The following PRUNE2 variants were observed in gnomAD, a reference collection of about 807,000 sequenced individuals.
The protein encoded by PRUNE2 is protein prune homolog 2.
Under a neutral mutation model 252.0 loss-of-function variants are expected in PRUNE2, and 164 were observed. The ratio of observed to expected loss-of-function variants is 0.65; its 90% CI spans 0.57 to 0.74. The LOEUF (loss-of-function observed/expected upper bound fraction) is 0.74. Ranked by LOEUF, PRUNE2 falls within the 30% of genes least tolerant of loss-of-function variation. The pLI is 0.00. For synonymous variants in PRUNE2, 1,292 were observed against 1,350.2 expected (o/e 0.96, Z 0.94); for missense variants, 3,495 against 3,711.0 (o/e 0.94, Z 1.51).
intron 6 of PRUNE2, among the ~76,000 whole-genome samples, chr9:76,805,782 T>C (rs1452208913): frequency 6.6e-6 from 1 of 152,190 alleles, no homozygotes; most frequent in African/African-American, 2.4e-5. Flanking sequence ...TAATTGATTC[T>C]TCTGTGACCT....
intron 6 of PRUNE2, among the ~76,000 whole-genome samples, chr9:76,722,217 C>A (rs1253044219): frequency 1.4e-5 from 2 of 147,764 alleles, no homozygotes; most frequent in African/African-American, 5.2e-5. Context: ...TGCCACCACA[C>A]CCTGCTATTT....
intron 9 of PRUNE2, among the ~76,000 whole-genome samples, chr9:76,664,412 T>C (rs1441864151): frequency 6.6e-6 from 1 of 152,258 alleles, no homozygotes; most frequent in Non-Finnish European, 1.5e-5. Context: ...CTTAACAAGA[T>C]ACCTTAAGCC....
At chr9:76,874,021 C>G (rs1338693843) in intron 1 of PRUNE2, among the ~76,000 whole-genome samples, 1 of 152,200 alleles carries the variant, frequency 6.6e-6, no homozygotes, top group Non-Finnish European at 1.5e-5. Context: ...CACTGCAGTG[C>G]TTGCTCAGTA....
chr9:76,826,606 A>G lies in PRUNE2; in HGVS notation c.635T>C (p.Leu212Pro). Residue 212 changes from leucine (L) to proline (P), a missense_variant, in exon 5 of 19, where the codon CTA (leucine) becomes CCA (proline). Physicochemically the swap from Leu to Pro is moderately conservative, Grantham distance 98. Transcript: ENST00000376718. Reference sequence around the variant, plus strand: ...CTGAGCACTGAACTGGGTCTCCTGTAGGACGTTGATGATGTCCTCTCTTGG... The same window carrying G: ...CTGAGCACTGAACTGGGTCTCCTGTGGGACGTTGATGATGTCCTCTCTTGG... The part of the protein sequence containing the change: ...LPPREDIINV[L>P]QETQFSAQGL... 1 of 1,609,958 alleles carries G rather than the reference A, an allele frequency of 6.2e-7. No homozygotes were observed. The highest frequency in any genetic ancestry group is 8.5e-7 in the Non-Finnish European group (1 of 1,177,660).
chr9:76,756,674 A>G (rs2051182799), intron 6 of PRUNE2, among the ~76,000 whole-genome samples: 1 of 152,214 alleles, frequency 6.6e-6, no homozygotes, highest in African/African-American at 2.4e-5. Flanking sequence ...AGGTACTAGG[A>G]TGAGGAAAAG....
intron 1 of PRUNE2, among the ~76,000 whole-genome samples, chr9:76,893,321 T>C (rs1311073664): frequency 1.3e-5 from 2 of 152,212 alleles, no homozygotes; most frequent in African/African-American, 4.8e-5. Context: ...TCTGTGATTC[T>C]ATAATTGTTA....
chr9:76,630,243 GTTTAT>G (rs1564374816), intron 15 of PRUNE2, among the ~76,000 whole-genome samples: 1 of 142,236 alleles, frequency 7.0e-6, no homozygotes. Flanking sequence ...TTTTTTTTTA[GTTTAT>G]TTTAAAAATT....
chr9:76,759,646 T>A (rs981655852), intron 6 of PRUNE2: 9 of 152,286 alleles, frequency 5.9e-5, no homozygotes, highest in African/African-American at 1.9e-4. Flanking sequence ...CTGAAAGCCA[T>A]CTTCGTCTGG....
chr9:76,811,846 A>C (rs1443052663), intron 6 of PRUNE2, among the ~76,000 whole-genome samples: 1 of 152,204 alleles, frequency 6.6e-6, no homozygotes, highest in Non-Finnish European at 1.5e-5. Flanking sequence ...ATATGGAAAG[A>C]CTTTTTCATA....
intron 1 of PRUNE2, among the ~76,000 whole-genome samples, chr9:76,887,083 T>C (rs1271556586): frequency 6.6e-6 from 1 of 152,196 alleles, no homozygotes; most frequent in African/African-American, 2.4e-5. Context: ...ATTTCTTATA[T>C]TGGGAAGAAA....
At chr9:76,664,027 T>C (rs1183216228) in intron 9 of PRUNE2, among the ~76,000 whole-genome samples, 1 of 152,246 alleles carries the variant, frequency 6.6e-6, no homozygotes, top group African/African-American at 2.4e-5. Context: ...CTACCTTCTC[T>C]GTGACGACTT....
In PRUNE2 at chr9:76,711,337, ACT is replaced by A; in HGVS notation, c.935_936del (p.Glu312ValfsTer12). 6.2e-7 allele frequency: 1 copy of A among 1,611,952 alleles called. No individual in the cohort carries two copies. The highest frequency in any genetic ancestry group is 8.5e-7 in the Non-Finnish European group (1 of 1,179,174). ...TCCAGTTCTAGGCAAGGGTTCTGAC[ACT>A]CTTCCAGCTCACAGCAAATCTGTCG... ...LCSQICCELEECQNPCLELEP... is the reference protein window; with the variant it reads ...LCSQICCELEXCQNPCLELEP... On this transcript the variant is annotated frameshift_variant, in exon 8 of 19. Transcript: ENST00000376718. LOFTEE classifies it high-confidence loss of function.
At chr9:76,682,034 GA>G (rs980062215) in intron 9 of PRUNE2, among the ~76,000 whole-genome samples, 11 of 152,106 alleles carry the variant, frequency 7.2e-5, no homozygotes, top group Non-Finnish European at 1.0e-4. Flanking sequence ...GGCAAAGGCA[GA>G]GGAGGTGACA....
chr9:76,850,348 G>T (rs1258036557), intron 3 of PRUNE2, 115 bp downstream of exon 3: 3 of 798,482 alleles, frequency 3.8e-6, no homozygotes, highest in Middle Eastern at 5.9e-4. Flanking sequence ...TGACCAGCAT[G>T]TCCTCTGCTT....
In PRUNE2 at chr9:76,713,543, G is replaced by T; in HGVS notation, c.915+20C>A. 1.3e-6 allele frequency: 2 copies of T among 1,595,728 alleles called. No homozygotes were observed. The highest frequency in any genetic ancestry group is 1.7e-6 in the Non-Finnish European group (2 of 1,170,350). On this transcript the variant is annotated intron_variant, in intron 7 of 18. Transcript: ENST00000376718. ...AGGTTAGGACAGAGGGAACATGACG[G>T]GGTCAGAGGAGGGGCTCACCTGACT...
chr9:76,807,569 A>T (rs748860742), intron 6 of PRUNE2, among the ~76,000 whole-genome samples: 2 of 152,248 alleles, frequency 1.3e-5, no homozygotes, highest in South Asian at 4.1e-4. Flanking sequence ...AGATTCAAAC[A>T]GCAGAGTGGT....
At chr9:76,855,404 A>G (rs2060201792) in intron 1 of PRUNE2, among the ~76,000 whole-genome samples, 1 of 151,992 alleles carries the variant, frequency 6.6e-6, no homozygotes, top group African/African-American at 2.4e-5. Context: ...AAGGCTATAT[A>G]AAAGGTTAGA....
intron 6 of PRUNE2, among the ~76,000 whole-genome samples, chr9:76,744,744 C>T (rs911331417): frequency 3.3e-5 from 5 of 152,186 alleles, no homozygotes; most frequent in African/African-American, 1.2e-4. Flanking sequence ...GAGAAAGAAG[C>T]CCCGGCCCTT....
intron 1 of PRUNE2, among the ~76,000 whole-genome samples, chr9:76,904,081 G>C (rs140023668): frequency 2.0e-5 from 3 of 152,310 alleles, no homozygotes; most frequent in African/African-American, 4.8e-5. Flanking sequence ...CACTAAAAGT[G>C]ACCAACACAC....
Sources: allele counts gnomAD v4.1 joint callset (sites outside exome capture counted in the v4.1 genomes callset), GRCh38; gene constraint gnomAD v4.1.1; transcripts MANE v1.5; gene names NCBI Gene and HGNC (gene_info 2026-07-23, HGNC 2026-07-21).